Variants in THOC2 observed in about 807,000 individuals in gnomAD.
THOC2 encodes THO complex subunit 2.
A neutral mutation model predicts 128.4 loss-of-function variants in THOC2; 10 were observed. The observed-to-expected ratio is 0.08, with a 90% CI of 0.05 to 0.13. The LOEUF (loss-of-function observed/expected upper bound fraction) is 0.13, where lower values mean the gene tolerates loss of function less well. Among genes scored for constraint, THOC2 ranks in the 10% least tolerant of loss-of-function variants. THOC2 has a pLI of 1.00. For synonymous variants in THOC2, 393 were observed against 396.9 expected, an observed-to-expected ratio of 0.99 and a Z score of 0.12; for missense variants, 535 against 1,155.7, an observed-to-expected ratio of 0.46 and a Z score of 7.79.
At chrX:123,698,064 T>C (rs1380585507) in intron 4 of THOC2, among the ~76,000 whole-genome samples, 1 of 109,949 alleles carries the variant, frequency 9.1e-6, no homozygotes, top group Admixed American at 9.7e-5. Flanking sequence ...CAAACAAAGT[T>C]TAAATGACCA....
chrX:123,732,462 G>T (rs756333722), intron 1 of THOC2, among the ~76,000 whole-genome samples: 63 of 112,274 alleles, frequency 5.6e-4, no homozygotes, highest in African/African-American at 1.8e-3. Flanking sequence ...GAAGAGGAGG[G>T]GAGGGGAATC....
chrX:123,613,112 A>G (rs1357265935), intron 36 of THOC2, among the ~76,000 whole-genome samples: 1 of 111,249 alleles, frequency 9.0e-6, no homozygotes, highest in Non-Finnish European at 1.9e-5. Context: ...GGTGGAGAAA[A>G]AAGAAAATGC....
At chrX:123,644,281 T>C (rs1351167075) in intron 15 of THOC2, among the ~76,000 whole-genome samples, 1 of 111,770 alleles carries the variant, frequency 8.9e-6, no homozygotes, top group Non-Finnish European at 1.9e-5. Context: ...CAGCAGGCTG[T>C]CCTTAAAAAG....
Position 123,731,977 on chromosome X carries a change from G to C in THOC2, c.71+975C>G, listed in dbSNP as rs746692042. Among the ~76,000 whole-genome samples, 10 of 111,702 alleles carry C rather than the reference G, an allele frequency of 9.0e-5. No homozygotes were observed. In the Admixed American group the frequency reaches 9.5e-4, roughly 11 times the overall value. On this transcript the variant is annotated intron_variant, in intron 1 of 38. Transcript: ENST00000245838. Reference sequence around the variant, plus strand: ...AGCTTTAGCATCTAAAAGCGACCCAGAGAAGGAAATGAGATGTTATTAATA... The same window carrying C: ...AGCTTTAGCATCTAAAAGCGACCCACAGAAGGAAATGAGATGTTATTAATA...
In THOC2 at chrX:123,703,522, A is replaced by C; in HGVS notation, c.223-17T>G. ...ACGAAATTCCTAATTTTAAAAATAT[A>C]ATTACAATAAATAGCAAAAAAGCAC... On this transcript the variant is annotated splice_polypyrimidine_tract_variant and intron_variant, in intron 3 of 38. Transcript: ENST00000245838. 9.6e-7 allele frequency: 1 copy of C among 1,046,006 alleles called. No individual in the cohort carries two copies. Among genetic ancestry groups the C allele is most frequent in the Non-Finnish European group, 1.3e-6 (1 of 751,888 alleles). The allele number at this position is 1,046,006 out of a possible 1,213,427, so 86.2% of individuals were successfully genotyped here.
Position 123,680,641 on chromosome X carries a change from T to C in THOC2, c.768+5907A>G, listed in dbSNP as rs1240891553. On this transcript the variant is annotated intron_variant, in intron 8 of 38. Transcript: ENST00000245838. ...GGCAACCCACCCCTTCAGATCCATA[T>C]GTCGATTATCTACACTTGGATGTCT... 3.6e-5 allele frequency among the ~76,000 whole-genome samples: 4 copies of C among 110,515 alleles called. No individual in the cohort carries two copies. In the East Asian group the frequency reaches 1.2e-3, roughly 32 times the overall value.
chrX:123,613,329 A>T lies in THOC2; in HGVS notation c.4677+70T>A. ...ACTATAGGACTAGGAAAAAAATTCA[A>T]TATTTGCTAAATTTTCAGGATTGAT... On this transcript the variant is annotated intron_variant, in intron 36 of 38. Transcript: ENST00000245838. 5 of 1,072,641 alleles carry T rather than the reference A, an allele frequency of 4.7e-6. No individual in the cohort carries two copies. The South Asian group carries it at 8.0e-5, about 17-fold the overall frequency. The allele number at this position is 1,072,641 out of a possible 1,213,427, so 88.4% of individuals were successfully genotyped here.
At chrX:123,725,616 C>CA (rs56708326) in intron 1 of THOC2, among the ~76,000 whole-genome samples, 3,367 of 32,501 alleles carry the variant, frequency 0.1, 439 homozygotes, top group African/African-American at 0.31. Flanking sequence ...GACCCTATCT[C>CA]AAAAAAAAAA....
At position 123,677,610 on chromosome X, in the gene THOC2, T is replaced by C. The variant is rs780112423; in HGVS notation, c.769-5849A>G. Among the ~76,000 whole-genome samples the C allele has an allele frequency of 1.6e-3, 175 of 111,834 alleles. 1 individual carries two copies. The highest frequency in any genetic ancestry group is 2.6e-3 in the Non-Finnish European group (140 of 53,228). On this transcript the variant is annotated intron_variant, in intron 8 of 38. Coordinates refer to ENST00000245838, the MANE Select transcript of THOC2 (RefSeq NM_001081550.2). ...CTGGACAGGCACAGTGGCTCACGCC[T>C]GTAATCCCAGCACTTTGGGAGGCCG...
At chrX:123,678,996 A>C (rs1317648344) in intron 8 of THOC2, among the ~76,000 whole-genome samples, 1 of 110,260 alleles carries the variant, frequency 9.1e-6, no homozygotes, top group Admixed American at 9.7e-5. Flanking sequence ...ACCAAACTCC[A>C]TTTTCTCTAT....
chrX:123,642,429 CAAAAAAAAAA>C (rs746333788), intron 15 of THOC2, among the ~76,000 whole-genome samples: 1 of 72,636 alleles, frequency 1.4e-5, no homozygotes, highest in South Asian at 5.8e-4. Flanking sequence ...CTCCATCTCC[CAAAAAAAAAA>C]AAAAAAATAA....
intron 1 of THOC2, among the ~76,000 whole-genome samples, chrX:123,715,019 CT>C (rs368332983): frequency 0.019 from 1,568 of 83,457 alleles, 24 homozygotes; most frequent in African/African-American, 0.059. Context: ...GCAATAAAGG[CT>C]TTTTTTTTTT....
At chrX:123,682,948 A>G (rs2049848735) in intron 8 of THOC2, among the ~76,000 whole-genome samples, 1 of 111,268 alleles carries the variant, frequency 9.0e-6, no homozygotes, top group Admixed American at 9.6e-5. Context: ...ACAACTCCAG[A>G]CAAGTTTGTC....
chrX:123,690,661 G>A (rs890024887), intron 7 of THOC2, among the ~76,000 whole-genome samples: 1 of 111,736 alleles, frequency 8.9e-6, no homozygotes, highest in African/African-American at 3.3e-5. Flanking sequence ...ACATAACTAG[G>A]AGAGATGTCC....
At position 123,623,149 on chromosome X, in the gene THOC2, A is replaced by G. The variant is rs374426193; in HGVS notation, c.3638T>C (p.Ile1213Thr). 3.3e-6 allele frequency: 4 copies of G among 1,211,267 alleles called. No individual in the cohort carries two copies. The highest frequency in any genetic ancestry group is 3.5e-5 in the African/African-American group (2 of 57,850). ...GPGGGPSSSS[I>T]GSASKSDESS... is the part of the protein sequence containing the mutation. ...TTCATCCGATTTAGATGCACTTCCTATTGATGATGAAGAAGGCCCACCACC... is the reference window on the plus strand; with the variant it reads ...TTCATCCGATTTAGATGCACTTCCTGTTGATGATGAAGAAGGCCCACCACC... Residue 1213 changes from isoleucine to threonine, a missense_variant, in exon 29 of 39, where the codon ATA becomes ACA. By Grantham distance (89) the Ile-to-Thr change is moderately conservative. This residue lies in a region of THOC2 where 116 missense variants were observed against 180.0 expected (regional missense o/e 0.64). Transcript: ENST00000245838.
intron 22 of THOC2, among the ~76,000 whole-genome samples, chrX:123,631,328 CTTA>C (rs2047477325): frequency 8.9e-6 from 1 of 112,173 alleles, no homozygotes; most frequent in South Asian, 3.7e-4. Context: ...ACACCACTCC[CTTA>C]TTGTCTTTTT....
At chrX:123,714,040 CAG>C (rs1033455666) in intron 1 of THOC2, among the ~76,000 whole-genome samples, 8 of 111,092 alleles carry the variant, frequency 7.2e-5, no homozygotes, top group Non-Finnish European at 1.1e-4. Context: ...GAAAATCTAA[CAG>C]AGAGTGACCC....
At chrX:123,728,158 C>G (rs1233798332) in intron 1 of THOC2, among the ~76,000 whole-genome samples, 1 of 110,179 alleles carries the variant, frequency 9.1e-6, no homozygotes, top group African/African-American at 3.3e-5. Context: ...AGAACAGAAA[C>G]ATAACCCACA....
At chrX:123,712,501 T>G (rs1210746463) in intron 2 of THOC2, among the ~76,000 whole-genome samples, 1 of 111,848 alleles carries the variant, frequency 8.9e-6, no homozygotes, top group Non-Finnish European at 1.9e-5. Context: ...TTCTGGAAAT[T>G]TTCTAGTGCA....
Sources: gnomAD v4.1 joint callset for allele counts (sites outside exome capture counted in the v4.1 genomes callset) on GRCh38, gnomAD v4.1.1 for gene constraint, gnomAD v4.1.1 regional missense constraint, MANE v1.5 for transcripts, NCBI Gene and HGNC (gene_info 2026-07-23, HGNC 2026-07-21) for gene names.